The following SGPP2 variants were observed in gnomAD, a reference collection of about 807,000 sequenced individuals.
The protein encoded by SGPP2 is sphingosine-1-phosphate phosphatase 2, also known as sphingosine 1-phosphate phosphohydrolase 2.
Under a neutral mutation model 33.9 loss-of-function variants are expected in SGPP2, and 30 were observed. The ratio of observed to expected loss-of-function variants is 0.89; its 90% CI spans 0.66 to 1.20. The LOEUF (loss-of-function observed/expected upper bound fraction) is 1.20, where lower values mean the gene tolerates loss of function less well. Among genes scored for constraint, SGPP2 ranks in the 50% most tolerant of loss-of-function variants. The probability of loss-of-function intolerance (pLI) is 0.00; values close to 1 mark genes in which losing one functional copy is unlikely to be tolerated. For missense variants in SGPP2, 458 were observed against 532.1 expected, an observed-to-expected ratio of 0.86 and a Z score of 1.37; for synonymous variants, 233 against 225.0, an observed-to-expected ratio of 1.04 and a Z score of -0.32.
chr2:222,433,083 C>G (rs1325725952), intron 1 of SGPP2, among the ~76,000 whole-genome samples: 1 of 45,492 alleles, frequency 2.2e-5, no homozygotes. Context: ...GGAGGGGAGA[C>G]GAGAGGAGGG....
At chr2:222,510,939 GTGGCT>G (rs1052186837) in intron 2 of SGPP2, among the ~76,000 whole-genome samples, 1 of 152,218 alleles carries the variant, frequency 6.6e-6, no homozygotes, top group African/African-American at 2.4e-5. Flanking sequence ...AAATGGAAGT[GTGGCT>G]TGGCTTTTTA....
intron 2 of SGPP2, among the ~76,000 whole-genome samples, chr2:222,487,375 A>G (rs1297288645): frequency 6.6e-6 from 1 of 152,324 alleles, no homozygotes; most frequent in Admixed American, 6.5e-5. Flanking sequence ...TTCGGCCTTT[A>G]CTAATAACTA....
chr2:222,553,968 T>G (rs1286518477), intron 4 of SGPP2, among the ~76,000 whole-genome samples: 1 of 152,168 alleles, frequency 6.6e-6, no homozygotes, highest in Non-Finnish European at 1.5e-5. Context: ...CCTCAGAGCT[T>G]CAGGGGTGAG....
At chr2:222,443,935 A>G (rs887402168) in intron 1 of SGPP2, among the ~76,000 whole-genome samples, 3 of 152,206 alleles carry the variant, frequency 2.0e-5, no homozygotes, top group African/African-American at 7.2e-5. Flanking sequence ...TATACCTCCT[A>G]GAGTTCTGAG....
intron 1 of SGPP2, among the ~76,000 whole-genome samples, chr2:222,447,835 G>T (rs567777734): frequency 6.6e-6 from 1 of 152,258 alleles, no homozygotes; most frequent in South Asian, 2.1e-4. Flanking sequence ...TCAATGCTGA[G>T]CTCACGGGTT....
At position 222,476,946 on chromosome 2, in the gene SGPP2, T is replaced by C. The variant is rs1007649525; in HGVS notation, c.378+2220T>C. On this transcript the variant is annotated intron_variant, in intron 2 of 4. Transcript: ENST00000321276. The surrounding 1 kb of genome is among the most constrained non-coding windows in gnomAD (Gnocchi z 4.3). Reference sequence around the variant, plus strand: ...GTGTATTGGAGTATATAGGTGTGTATGTATGTATGTATAGTGTGTATATGT... The same window carrying C: ...GTGTATTGGAGTATATAGGTGTGTACGTATGTATGTATAGTGTGTATATGT... Among the ~76,000 whole-genome samples the C allele has an allele frequency of 3.4e-5, 5 of 148,090 alleles. No individual in the cohort carries two copies. The highest frequency in any genetic ancestry group is 1.1e-4 in the African/African-American group (4 of 37,860).
intron 1 of SGPP2, among the ~76,000 whole-genome samples, chr2:222,457,523 A>G (rs189612510): frequency 5.1e-4 from 78 of 152,362 alleles, no homozygotes; most frequent in African/African-American, 1.9e-3. Context: ...CCATAGGTCA[A>G]TATATTTAAA....
chr2:222,434,447 G>A (rs1697204888), intron 1 of SGPP2, among the ~76,000 whole-genome samples: 1 of 152,156 alleles, frequency 6.6e-6, no homozygotes. Flanking sequence ...AAAAGGGAAG[G>A]CACCAACTAC....
At chr2:222,515,932 C>A (rs1698598105) in intron 2 of SGPP2, among the ~76,000 whole-genome samples, 1 of 152,204 alleles carries the variant, frequency 6.6e-6, no homozygotes, top group South Asian at 2.1e-4. Flanking sequence ...ACTGTAGTCC[C>A]AGCTATTTGG....
At position 222,562,385 on chromosome 2, in the gene SGPP2, T is replaced by TGTAAGTGCTATGTAA. The variant is rs556717954; in HGVS notation, c.*3488_*3489insTAAGTGCTATGTAAG. 7.4e-4 allele frequency among the ~76,000 whole-genome samples: 113 copies of TGTAAGTGCTATGTAA among 152,274 alleles called. No homozygotes were observed. Among genetic ancestry groups the TGTAAGTGCTATGTAA allele is most frequent in the African/African-American group, 2.7e-3 (112 of 41,560 alleles). On this transcript the variant is annotated 3_prime_UTR_variant, in exon 5 of 5. Transcript: ENST00000321276. ...TGAATTAAAAACACTTACATAGCAG[T>TGTAAGTGCTATGTAA]GGCTGGAATTACTCCAAAACGTGCC...
At chr2:222,509,733 T>A (rs1698497758) in intron 2 of SGPP2, among the ~76,000 whole-genome samples, 1 of 152,214 alleles carries the variant, frequency 6.6e-6, no homozygotes, top group African/African-American at 2.4e-5. Context: ...TATCTTGATG[T>A]CTCATTTCTC....
In SGPP2 at chr2:222,436,738, A is replaced by G. The variant is rs139389485; in HGVS notation, c.219+11917A>G. ...GTGCAGGATAGGCAAACTGATATCC[A>G]GAGTAGGTGTCTATTCCAGTGAGGA... is the stretch of plus-strand genomic sequence containing the variant. On this transcript the variant is annotated intron_variant, in intron 1 of 4. Coordinates refer to ENST00000321276, the MANE Select transcript of SGPP2 (RefSeq NM_152386.4). Among the ~76,000 whole-genome samples, 475 of 152,340 alleles carry G rather than the reference A, an allele frequency of 3.1e-3. 3 individuals carry two copies. The highest frequency in any genetic ancestry group is 5.7e-3 in the Non-Finnish European group (389 of 68,030).
Position 222,559,165 on chromosome 2 carries a change from C to A in SGPP2, c.*267C>A, listed in dbSNP as rs1428654848. On this transcript the variant is annotated 3_prime_UTR_variant, in exon 5 of 5. Coordinates refer to ENST00000321276, the MANE Select transcript of SGPP2 (RefSeq NM_152386.4). ...ATCTTTAAAGGCACACACCGCGCCC[C>A]CCCCCCCCCCGCCCGGCCCCTGCTC... 5 of 89,782 alleles carry A rather than the reference C, an allele frequency of 5.6e-5. No individual in the cohort carries two copies. The highest frequency in any genetic ancestry group is 2.6e-4 in the Admixed American group (2 of 7,638). The allele number at this position is 89,782 out of a possible 1,614,324, so 5.6% of individuals were successfully genotyped here. A position where few individuals can be genotyped will look rare whatever the true frequency, so the allele number is the denominator to read the frequency against.
rs1306968136 is a variant in SGPP2 at position 222,559,159 on chromosome 2, G to GCCCCC, written c.*262_*263insCCCCC. The GCCCCC allele has an allele frequency of 1.2e-4, 3 of 25,546 alleles. No individual in the cohort carries two copies. The highest frequency in any genetic ancestry group is 5.1e-4 in the African/African-American group (2 of 3,936). The allele number at this position is 25,546 out of a possible 1,614,324, so 1.6% of individuals were successfully genotyped here. ...ATCCGGATCTTTAAAGGCACACACC[G>GCCCCC]CGCCCCCCCCCCCCCCGCCCGGCCC... On this transcript the variant is annotated 3_prime_UTR_variant, in exon 5 of 5. Coordinates refer to ENST00000321276, the MANE Select transcript of SGPP2 (RefSeq NM_152386.4).
chr2:222,530,313 A>G (rs1472427204), intron 4 of SGPP2, among the ~76,000 whole-genome samples: 1 of 152,186 alleles, frequency 6.6e-6, no homozygotes, highest in Non-Finnish European at 1.5e-5. Flanking sequence ...GAAGCCAGAC[A>G]TTGACTTCTG....
chr2:222,488,758 A>ATG (rs1472168891), intron 2 of SGPP2, among the ~76,000 whole-genome samples: 1 of 151,948 alleles, frequency 6.6e-6, no homozygotes, highest in Non-Finnish European at 1.5e-5. Context: ...GTGTGTGTGT[A>ATG]TGTGTGTGTG....
At chr2:222,490,898 G>A (rs1444647588) in intron 2 of SGPP2, among the ~76,000 whole-genome samples, 13 of 151,930 alleles carry the variant, frequency 8.6e-5, no homozygotes, top group Admixed American at 1.3e-4. Context: ...TTTTTGGTTC[G>A]TCTTGTAACC....
chr2:222,511,642 CTCT>C (rs1369011032), intron 2 of SGPP2, among the ~76,000 whole-genome samples: 1 of 152,196 alleles, frequency 6.6e-6, no homozygotes, highest in African/African-American at 2.4e-5. Flanking sequence ...AATCGTTATA[CTCT>C]TTAACTGATA....
rs370253346 is a variant in SGPP2 at position 222,480,984 on chromosome 2, T to C, written c.378+6258T>C. Among the ~76,000 whole-genome samples the C allele has an allele frequency of 4.5e-4, 69 of 152,232 alleles. 1 individual carries two copies. The highest frequency in any genetic ancestry group is 1.6e-3 in the African/African-American group (66 of 41,522). On this transcript the variant is annotated intron_variant, in intron 2 of 4. Transcript: ENST00000321276. ...GTTGAAACCATTATCCTCAGCAAACTATCAGGAACAGAAAACCAAACACTG... is the reference window on the plus strand; with the variant it reads ...GTTGAAACCATTATCCTCAGCAAACCATCAGGAACAGAAAACCAAACACTG...
Sources: allele counts gnomAD v4.1 joint callset (sites outside exome capture counted in the v4.1 genomes callset), GRCh38; gene constraint gnomAD v4.1.1; non-coding constraint Gnocchi (gnomAD v3.1); transcripts MANE v1.5; gene names NCBI Gene and HGNC (gene_info 2026-07-23, HGNC 2026-07-21).